TMEM63C: variants seen among roughly 807,000 people sequenced by gnomAD.
TMEM63C encodes the protein osmosensitive cation channel TMEM63C.
TMEM63C carries 32 observed loss-of-function variants against 99.2 expected under a neutral mutation model. The ratio of observed to expected loss-of-function variants is 0.32; its 90% CI spans 0.24 to 0.43. TMEM63C has a LOEUF of 0.43. TMEM63C is among the 20% of genes least tolerant of loss of function. The pLI, the probability that TMEM63C is intolerant of heterozygous loss-of-function variation, is 1.00. For missense variants in TMEM63C, 826 were observed against 1,053.0 expected, an observed-to-expected ratio of 0.78 and a Z score of 2.98; for synonymous variants, 376 against 397.9, an observed-to-expected ratio of 0.94 and a Z score of 0.66.
At chr14:77,236,916 G>A (rs1186801384) in intron 9 of TMEM63C, among the ~76,000 whole-genome samples, 184 bp downstream of exon 9, 1 of 151,110 alleles carries the variant, frequency 6.6e-6, no homozygotes, top group African/African-American at 2.4e-5. Flanking sequence ...CAATCACCTG[G>A]CCCCCACCTC....
At chr14:77,192,450 A>G (rs921369779) in intron 1 of TMEM63C, among the ~76,000 whole-genome samples, 1 of 152,212 alleles carries the variant, frequency 6.6e-6, no homozygotes, top group Non-Finnish European at 1.5e-5. Context: ...TTTTGAATTT[A>G]GAGGGAGGAT....
chr14:77,216,713 G>C (rs1390717507), intron 2 of TMEM63C, among the ~76,000 whole-genome samples: 2 of 152,208 alleles, frequency 1.3e-5, no homozygotes, highest in Admixed American at 1.3e-4. Context: ...GGCAAATCTT[G>C]TTGGCTCCAC....
Position 77,239,349 on chromosome 14 carries a change from G to T in TMEM63C, c.726-63G>T, listed in dbSNP as rs1379624906. The T allele has an allele frequency of 1.2e-5, 19 of 1,558,304 alleles. No individual in the cohort carries two copies. The African/African-American group carries it at 2.3e-4, about 19-fold the overall frequency. ...CCCTCAGGGCCGACATGCTGGGCAG[G>T]GGGTAGGGGCAGCACATCCCCAACC... On this transcript the variant is annotated intron_variant, in intron 10 of 23. Coordinates refer to ENST00000298351, the MANE Select transcript of TMEM63C (RefSeq NM_020431.4).
At chr14:77,236,756 C>T (rs1889068890) in intron 9 of TMEM63C, 24 bp downstream of exon 9, 1 of 1,541,532 alleles carries the variant, frequency 6.5e-7, no homozygotes, top group African/African-American at 1.4e-5. Context: ...AAAGCTGCTT[C>T]CCACTGTGGG....
chr14:77,183,224 T>C (rs2140084357), intron 1 of TMEM63C, among the ~76,000 whole-genome samples: 1 of 152,192 alleles, frequency 6.6e-6, no homozygotes, highest in African/African-American at 2.4e-5. Flanking sequence ...CATGCAGGTC[T>C]TCTGACTCCC....
At chr14:77,249,063 T>C (rs1380481068) in intron 20 of TMEM63C, among the ~76,000 whole-genome samples, 191 bp downstream of exon 20, 1 of 151,968 alleles carries the variant, frequency 6.6e-6, no homozygotes. Context: ...GTTTGTTGAA[T>C]GAACGCATGA....
chr14:77,189,554 A>G (rs1888066478), intron 1 of TMEM63C, among the ~76,000 whole-genome samples: 2 of 152,234 alleles, frequency 1.3e-5, no homozygotes, highest in African/African-American at 4.8e-5. Flanking sequence ...AAAGGGGAAA[A>G]GGAAGGACTT....
At chr14:77,233,829 T>G (rs927259303) in intron 8 of TMEM63C, among the ~76,000 whole-genome samples, 1 of 152,124 alleles carries the variant, frequency 6.6e-6, no homozygotes, top group Non-Finnish European at 1.5e-5. Flanking sequence ...GATTGAAGAT[T>G]GTTTTCCTGC....
At chr14:77,194,499 T>TTC (rs397730470) in intron 1 of TMEM63C, among the ~76,000 whole-genome samples, 4 of 13,494 alleles carry the variant, frequency 3.0e-4, no homozygotes, top group Admixed American at 1.9e-3. Flanking sequence ...TCTTTTTTCT[T>TTC]TCTTTCTTTC....
At chr14:77,229,311 C>A (rs1888892497) in intron 6 of TMEM63C, among the ~76,000 whole-genome samples, 1 of 152,008 alleles carries the variant, frequency 6.6e-6, no homozygotes. Context: ...GCAGGAGAAT[C>A]ACTTGAATCT....
chr14:77,252,056 ATGCATGCGTGCATGCCT>A (rs1255365927), intron 22 of TMEM63C, among the ~76,000 whole-genome samples, 158 bp downstream of exon 22: 1 of 141,248 alleles, frequency 7.1e-6, no homozygotes, highest in Non-Finnish European at 1.6e-5. Context: ...GCATGCGTGC[ATGCATGCGTGCATGCCT>A]TGCGTGCATG....
At position 77,256,740 on chromosome 14, in the gene TMEM63C, C is replaced by T. The variant is rs1889469933; in HGVS notation, c.*14C>T. 1 of 1,611,612 alleles carries T rather than the reference C, an allele frequency of 6.2e-7. No homozygotes were observed. The highest frequency in any genetic ancestry group is 1.1e-5 in the South Asian group (1 of 90,988). ...CAGTACCACTGACCGGGACCTGAGG[C>T]CTCCACTGGCGACTTGTTGAGGGGT... On this transcript the variant is annotated 3_prime_UTR_variant, in exon 24 of 24. Coordinates refer to ENST00000298351, the MANE Select transcript of TMEM63C (RefSeq NM_020431.4).
chr14:77,231,546 G>C, intron 6 of TMEM63C, 42 bp from the exon 7 acceptor site: 1 of 1,547,814 alleles, frequency 6.5e-7, no homozygotes, highest in Non-Finnish European at 8.7e-7. Flanking sequence ...TGGTGGCCAC[G>C]CTGGCTCCTG....
At chr14:77,199,654 C>T (rs1461787995) in intron 1 of TMEM63C, among the ~76,000 whole-genome samples, 1 of 152,206 alleles carries the variant, frequency 6.6e-6, no homozygotes, top group African/African-American at 2.4e-5. Flanking sequence ...CACAGCTTGG[C>T]TTGTTCCCTT....
intron 21 of TMEM63C, chr14:77,251,577 A>G: frequency 1.7e-6 from 1 of 574,742 alleles, no homozygotes; most frequent in South Asian, 2.0e-5. Context: ...GTCAATTAAA[A>G]CATTTTTTCA....
chr14:77,233,334 AGAG>A (rs1888978216), intron 7 of TMEM63C, 115 bp from the exon 8 acceptor site: 1 of 1,005,842 alleles, frequency 9.9e-7, no homozygotes, highest in African/African-American at 1.6e-5. Flanking sequence ...ACCAGAAGGA[AGAG>A]GAGGTCAAAG....
chr14:77,205,500 G>T (rs1462115943), intron 1 of TMEM63C, among the ~76,000 whole-genome samples: 1 of 152,232 alleles, frequency 6.6e-6, no homozygotes. Flanking sequence ...GAGAACAGTA[G>T]GATGGAAGGG....
intron 21 of TMEM63C, among the ~76,000 whole-genome samples, chr14:77,250,150 T>A (rs1889333510): frequency 6.6e-6 from 1 of 152,168 alleles, no homozygotes; most frequent in African/African-American, 2.4e-5. Flanking sequence ...ATGCCTGGCT[T>A]TATGGGTTGC....
chr14:77,192,056 T>C (rs10083437), intron 1 of TMEM63C, among the ~76,000 whole-genome samples: 3,140 of 152,344 alleles, frequency 0.021, 113 homozygotes, highest in African/African-American at 0.073. Context: ...CATTATGTAA[T>C]AGCCTCCTTT....
Sources: allele counts gnomAD v4.1 joint callset (sites outside exome capture counted in the v4.1 genomes callset), GRCh38; gene constraint gnomAD v4.1.1; transcripts MANE v1.5; gene names NCBI Gene and HGNC (gene_info 2026-07-23, HGNC 2026-07-21).